CAPN8: variants seen among roughly 807,000 people sequenced by gnomAD.
CAPN8 encodes calpain 8.
A neutral mutation model predicts 80.9 loss-of-function variants in CAPN8; 87 were observed. That is an observed-to-expected ratio of 1.07 (90% CI 0.90 to 1.28). The LOEUF is 1.28. Among genes scored for constraint, CAPN8 ranks in the 50% most tolerant of loss-of-function variants. The pLI, the probability that CAPN8 is intolerant of heterozygous loss-of-function variation, is 0.00. For synonymous variants in CAPN8, 299 were observed against 273.8 expected (o/e 1.09, Z -0.91); for missense variants, 757 against 702.0 (o/e 1.08, Z -0.89).
intron 1 of CAPN8, among the ~76,000 whole-genome samples, chr1:223,661,740 A>G (rs924939767): frequency 6.6e-6 from 1 of 152,210 alleles, no homozygotes; most frequent in Non-Finnish European, 1.5e-5. Context: ...CAACCACTAT[A>G]TAAAACAGCA....
intron 19 of CAPN8, 120 bp from the exon 20 acceptor site, chr1:223,543,286 C>G (rs1057154565): frequency 3.4e-6 from 4 of 1,183,304 alleles, no homozygotes; most frequent in Non-Finnish European, 4.7e-6. Flanking sequence ...CCCTACCACC[C>G]CCTCCCCTCC....
chr1:223,627,727 T>C (rs979391947), intron 4 of CAPN8, among the ~76,000 whole-genome samples: 1 of 152,146 alleles, frequency 6.6e-6, no homozygotes, highest in Non-Finnish European at 1.5e-5. Context: ...GAACCTACCT[T>C]GGGATTTGAA....
At chr1:223,616,237 A>G in intron 9 of CAPN8, 92 bp from the exon 10 acceptor site, 1 of 1,351,300 alleles carries the variant, frequency 7.4e-7, no homozygotes, top group South Asian at 1.5e-5. Context: ...GATCATCCTA[A>G]TGAATGCACA....
At chr1:223,550,706 A>G (rs569437573) in intron 15 of CAPN8, among the ~76,000 whole-genome samples, 2 of 152,232 alleles carry the variant, frequency 1.3e-5, no homozygotes, top group Admixed American at 1.3e-4. Context: ...ACTTGACACT[A>G]TGGAGCTTTG....
intron 13 of CAPN8, among the ~76,000 whole-genome samples, chr1:223,554,916 CA>C (rs1195142560): frequency 6.6e-5 from 10 of 152,182 alleles, no homozygotes; most frequent in African/African-American, 2.4e-4. Context: ...GGGCTCTGCC[CA>C]AAATAGGACA....
chr1:223,546,096 T>C (rs533124426), intron 16 of CAPN8, among the ~76,000 whole-genome samples: 15 of 150,860 alleles, frequency 9.9e-5, no homozygotes, highest in Non-Finnish European at 1.6e-4. Context: ...CCTCCCAAAG[T>C]GCCACGACTA....
rs528581778 is a variant in CAPN8 at position 223,543,186 on chromosome 1, A to G, written c.2030-20T>C. ...ATAGTTCTAAAACACCAGAGAAGGAAATGAAATTAGATAAGGCTGTTCCTG... is the reference window on the plus strand; with the variant it reads ...ATAGTTCTAAAACACCAGAGAAGGAGATGAAATTAGATAAGGCTGTTCCTG... On this transcript the variant is annotated intron_variant, in intron 19 of 20. Coordinates refer to ENST00000366872, the MANE Select transcript of CAPN8 (RefSeq NM_001143962.2). 7 of 1,551,358 alleles carry G rather than the reference A, an allele frequency of 4.5e-6. No individual in the cohort carries two copies. The African/African-American group carries it at 6.8e-5, about 15-fold the overall frequency.
At position 223,541,671 on chromosome 1, in the gene CAPN8, C is replaced by G; in HGVS notation, c.*165G>C. On this transcript the variant is annotated 3_prime_UTR_variant, in exon 21 of 21. Coordinates refer to ENST00000366872, the MANE Select transcript of CAPN8 (RefSeq NM_001143962.2). ...CCCTCCACTGGGCCCACCGGGTCGG[C>G]TTACATAGCTCATAGCTCAGTGCTG... 3 of 1,116,914 alleles carry G rather than the reference C, an allele frequency of 2.7e-6. No homozygotes were observed. The highest frequency in any genetic ancestry group is 3.9e-6 in the Non-Finnish European group (3 of 765,590). The allele number at this position is 1,116,914 out of a possible 1,614,324, so 69.2% of individuals were successfully genotyped here.
At chr1:223,547,218 T>A (rs1052861971) in intron 16 of CAPN8, among the ~76,000 whole-genome samples, 7 of 152,178 alleles carry the variant, frequency 4.6e-5, no homozygotes, top group African/African-American at 9.7e-5. Context: ...CGTCAATTTT[T>A]AAAATTTTTT....
intron 1 of CAPN8, among the ~76,000 whole-genome samples, chr1:223,657,506 C>G (rs577314994): frequency 6.6e-6 from 1 of 152,170 alleles, no homozygotes; most frequent in Non-Finnish European, 1.5e-5. Flanking sequence ...GTGACTCACA[C>G]CTGTAATCCC....
intron 2 of CAPN8, among the ~76,000 whole-genome samples, chr1:223,646,614 A>G (rs966830076): frequency 6.6e-6 from 1 of 152,198 alleles, no homozygotes; most frequent in Non-Finnish European, 1.5e-5. Context: ...TTGTCTTCAG[A>G]TCTCTTTTAG....
chr1:223,620,580 CCT>C (rs1416328111), intron 7 of CAPN8, among the ~76,000 whole-genome samples: 2 of 152,146 alleles, frequency 1.3e-5, no homozygotes, highest in African/African-American at 4.8e-5. Context: ...CTCCCAGGCC[CCT>C]GTTTGCAGGA....
At chr1:223,643,406 C>T (rs773035738) in intron 2 of CAPN8, among the ~76,000 whole-genome samples, 1 of 152,220 alleles carries the variant, frequency 6.6e-6, no homozygotes, top group African/African-American at 2.4e-5. Context: ...TGAGGGTGGT[C>T]TTCCAGGCTC....
At chr1:223,545,451 G>C in intron 16 of CAPN8, 152 bp from the exon 17 acceptor site, 2 of 1,227,650 alleles carry the variant, frequency 1.6e-6, no homozygotes, top group Non-Finnish European at 2.2e-6. Context: ...TGTGTAACAG[G>C]TTCAAATAAA....
Position 223,544,819 on chromosome 1 carries a change from G to C in CAPN8, c.1865C>G (p.Ser622Trp). 1 of 1,551,680 alleles carries C rather than the reference G, an allele frequency of 6.4e-7. No homozygotes were observed. The highest frequency in any genetic ancestry group is 1.4e-5 in the African/African-American group (1 of 73,158). ...CATCTCGTGGGCATCGATGGTGCCC[G>C]AGTGGTTATAATCAGTTTCCCAATA... ...EIYWETDYNH[S>W]GTIDAHEMRT... The change falls in exon 18 of 21, where the codon TCG (serine) becomes TGG (tryptophan). Residue 622 changes from serine (S) to tryptophan (W), a missense_variant. By Grantham distance (177) the Ser-to-Trp change is radical. Transcript: ENST00000366872.
At chr1:223,555,131 G>A (rs1381990450) in intron 13 of CAPN8, among the ~76,000 whole-genome samples, 1 of 152,312 alleles carries the variant, frequency 6.6e-6, no homozygotes, top group South Asian at 2.1e-4. Flanking sequence ...CTACCTGTCA[G>A]GTACTTTGCG....
At chr1:223,632,033 C>T (rs903284043) in intron 2 of CAPN8, among the ~76,000 whole-genome samples, 3 of 152,100 alleles carry the variant, frequency 2.0e-5, no homozygotes, top group South Asian at 2.1e-4. Flanking sequence ...AATGTCCCTC[C>T]GTTGCTGACA....
At chr1:223,550,570 C>T (rs1656755744) in intron 15 of CAPN8, among the ~76,000 whole-genome samples, 1 of 152,182 alleles carries the variant, frequency 6.6e-6, no homozygotes, top group African/African-American at 2.4e-5. Context: ...TCAAGATGAG[C>T]TACAGAACTA....
chr1:223,634,757 A>G (rs1044987298), intron 2 of CAPN8, among the ~76,000 whole-genome samples: 15 of 152,184 alleles, frequency 9.9e-5, no homozygotes, highest in African/African-American at 3.4e-4. Context: ...CCCATTGATG[A>G]GGGCTTTGTT....
Sources: allele counts gnomAD v4.1 joint callset (sites outside exome capture counted in the v4.1 genomes callset), GRCh38; gene constraint gnomAD v4.1.1; transcripts MANE v1.5; gene names NCBI Gene and HGNC (gene_info 2026-07-23, HGNC 2026-07-21).